Variants in SIRPD observed in about 807,000 individuals in gnomAD.
SIRPD encodes the protein signal regulatory protein delta, also known as signal-regulatory protein delta.
SIRPD carries 21 observed loss-of-function variants against 18.0 expected under a neutral mutation model. The observed-to-expected ratio is 1.17, with a 90% confidence interval of 0.83 to 1.68. The LOEUF (loss-of-function observed/expected upper bound fraction) is 1.68, where lower values mean the gene tolerates loss of function less well. Ranked by LOEUF, SIRPD falls within the 40% of genes most tolerant of loss-of-function variation. SIRPD has a pLI of 0.00. For synonymous variants in SIRPD, 106 were observed against 92.9 expected (o/e 1.14, Z -0.81); for missense variants, 295 against 238.4 (o/e 1.24, Z -1.56).
chr20:1,544,733 C>A (rs185980739), intron 2 of SIRPD, among the ~76,000 whole-genome samples: 3 of 152,008 alleles, frequency 2.0e-5, no homozygotes, highest in African/African-American at 4.8e-5. Context: ...TACATTTTGG[C>A]GTGTTTTTGC....
chr20:1,542,502 T>G (rs1449512436), intron 2 of SIRPD, among the ~76,000 whole-genome samples: 1 of 152,216 alleles, frequency 6.6e-6, no homozygotes, highest in Non-Finnish European at 1.5e-5. Flanking sequence ...TCCTGAGACT[T>G]TGTCGAATTT....
intron 2 of SIRPD, among the ~76,000 whole-genome samples, chr20:1,538,681 T>C (rs2090958268): frequency 6.6e-6 from 1 of 152,196 alleles, no homozygotes; most frequent in Admixed American, 6.5e-5. Context: ...CAAACTAGCA[T>C]GCATGAAGAG....
chr20:1,540,185 C>G, intron 2 of SIRPD: 1 of 410,890 alleles, frequency 2.4e-6, no homozygotes, highest in Non-Finnish European at 4.8e-6. Context: ...ATGCTGCTGA[C>G]AGGCCAGGGA....
intron 2 of SIRPD, among the ~76,000 whole-genome samples, chr20:1,539,613 A>G (rs529460113): frequency 3.7e-4 from 56 of 152,330 alleles, no homozygotes; most frequent in Middle Eastern, 6.8e-3. Flanking sequence ...CATTCACCCC[A>G]CTATGTAATC....
At chr20:1,557,269 G>GT (rs1288269225) in intron 1 of SIRPD, among the ~76,000 whole-genome samples, 2 of 151,802 alleles carry the variant, frequency 1.3e-5, no homozygotes, top group Non-Finnish European at 2.9e-5. Context: ...ATAAGTAAAG[G>GT]TAAAAATAAA....
At position 1,538,385 on chromosome 20, in the gene SIRPD, C is replaced by T. The variant is rs13040670; in HGVS notation, c.422-1075G>A. On this transcript the variant is annotated intron_variant, in intron 2 of 3. Coordinates refer to ENST00000381623, the MANE Select transcript of SIRPD (RefSeq NM_178460.3). The stretch of plus-strand genomic sequence containing the variant: ...TGACAAGGAACTGGCCAGAGTGTTC[C>T]GTTTAGCACTCTTTGTTCTAACTCT... 7.6e-3 allele frequency among the ~76,000 whole-genome samples: 1,151 copies of T among 152,268 alleles called. 5 individuals are homozygous for T. Among genetic ancestry groups the T allele is most frequent in the Non-Finnish European group, 0.013 (874 of 68,008 alleles).
intron 2 of SIRPD, among the ~76,000 whole-genome samples, chr20:1,538,093 A>G (rs2090955407): frequency 6.6e-6 from 1 of 152,152 alleles, no homozygotes; most frequent in South Asian, 2.1e-4. Flanking sequence ...ATGAAATCAC[A>G]TTCAGAGCCT....
intron 2 of SIRPD, among the ~76,000 whole-genome samples, chr20:1,550,140 G>A (rs1052941012): frequency 6.6e-6 from 1 of 152,182 alleles, no homozygotes; most frequent in Admixed American, 6.5e-5. Flanking sequence ...TGGAAGACAA[G>A]CCCATTAACC....
In SIRPD at chr20:1,534,275, T is replaced by G; in HGVS notation, c.*150A>C. The stretch of plus-strand genomic sequence containing the variant: ...ATTGGACCCAGGTAAATAGACAGAT[T>G]TATTGTACGATCAAGCTGGCATTTT... On this transcript the variant is annotated 3_prime_UTR_variant, in exon 4 of 4. Coordinates refer to ENST00000381623, the MANE Select transcript of SIRPD (RefSeq NM_178460.3). The G allele has an allele frequency of 9.4e-7, 1 of 1,064,986 alleles. No individual in the cohort carries two copies. Among genetic ancestry groups the G allele is most frequent in the South Asian group, 1.5e-5 (1 of 68,784 alleles). 66.0% of individuals were successfully genotyped at this position (1,064,986 alleles called of 1,614,324 possible).
chr20:1,542,999 A>G (rs140631443), intron 2 of SIRPD, among the ~76,000 whole-genome samples: 153 of 152,350 alleles, frequency 1.0e-3, no homozygotes, highest in African/African-American at 3.6e-3. Context: ...CATGGTGGAT[A>G]AGATTTTTAA....
intron 1 of SIRPD, among the ~76,000 whole-genome samples, chr20:1,555,349 C>A (rs1057142736): frequency 3.9e-5 from 6 of 152,024 alleles, no homozygotes; most frequent in Non-Finnish European, 8.8e-5. Context: ...GAGAGTTGGA[C>A]AAGGAAATGG....
chr20:1,536,424 C>G (rs1436209401), intron 3 of SIRPD, among the ~76,000 whole-genome samples: 1 of 147,500 alleles, frequency 6.8e-6, no homozygotes, highest in Non-Finnish European at 1.5e-5. Context: ...TTTTTTAATG[C>G]CTGTGCTTTT....
chr20:1,549,282 T>A (rs1399497459), intron 2 of SIRPD, among the ~76,000 whole-genome samples: 2 of 152,184 alleles, frequency 1.3e-5, no homozygotes, highest in South Asian at 2.1e-4. Context: ...TTTAATCATG[T>A]TTCTTTGAAC....
chr20:1,534,454 A>AAAAAT lies in SIRPD; in HGVS notation c.578-18_578-14dup, dbSNP rs770396424. The AAAAAT allele has an allele frequency of 8.7e-6, 14 of 1,607,438 alleles. No individual in the cohort carries two copies. The African/African-American group carries it at 1.1e-4, about 12-fold the overall frequency. On this transcript the variant is annotated splice_polypyrimidine_tract_variant and intron_variant, in intron 3 of 3. Coordinates refer to ENST00000381623, the MANE Select transcript of SIRPD (RefSeq NM_178460.3). ...TTTGACAGCAAGCCTGAAATACAATAAAAATAAAATAAAATAAAACATTTC... is the reference window on the plus strand; with the variant it reads ...TTTGACAGCAAGCCTGAAATACAATAAAAATAAAATAAAATAAAATAAAACATTTC...
intron 2 of SIRPD, among the ~76,000 whole-genome samples, chr20:1,541,756 G>T (rs1334571067): frequency 2.0e-5 from 3 of 152,182 alleles, no homozygotes; most frequent in Non-Finnish European, 4.4e-5. Flanking sequence ...TTCTTCTAGG[G>T]TTGTTATGGT....
intron 3 of SIRPD, among the ~76,000 whole-genome samples, chr20:1,535,839 T>A (rs892315090): frequency 6.6e-6 from 1 of 152,214 alleles, no homozygotes; most frequent in Non-Finnish European, 1.5e-5. Context: ...CTCTTGCAAT[T>A]TTGTTGTGAT....
At chr20:1,552,463 G>T (rs1358321004) in intron 1 of SIRPD, among the ~76,000 whole-genome samples, 2 of 152,144 alleles carry the variant, frequency 1.3e-5, no homozygotes, top group East Asian at 3.9e-4. Context: ...CCTCTGAAGG[G>T]TGATTAGCCT....
At chr20:1,555,322 C>A (rs1197276110) in intron 1 of SIRPD, among the ~76,000 whole-genome samples, 1 of 152,086 alleles carries the variant, frequency 6.6e-6, no homozygotes, top group African/African-American at 2.4e-5. Flanking sequence ...ATGTTGTTAC[C>A]AGGGTCTGGG....
intron 1 of SIRPD, among the ~76,000 whole-genome samples, chr20:1,552,996 G>A (rs566671286): frequency 3.5e-4 from 54 of 152,256 alleles, no homozygotes; most frequent in African/African-American, 7.5e-4. Context: ...ATTTCATGAC[G>A]TTAATTCAGA....
Sources: allele counts gnomAD v4.1 joint callset (sites outside exome capture counted in the v4.1 genomes callset), GRCh38; gene constraint gnomAD v4.1.1; transcripts MANE v1.5; gene names NCBI Gene and HGNC (gene_info 2026-07-23, HGNC 2026-07-21).